The following PRELID2 variants were observed in gnomAD, a reference collection of about 807,000 sequenced individuals.
The protein encoded by PRELID2 is PRELI domain-containing protein 2.
PRELID2 carries 25 observed loss-of-function variants against 28.4 expected under a neutral mutation model. The ratio of observed to expected loss-of-function variants is 0.88; its 90% confidence interval spans 0.64 to 1.23. The LOEUF (loss-of-function observed/expected upper bound fraction) is 1.23, where lower values mean the gene tolerates loss of function less well. PRELID2 is among the 50% of genes most tolerant of loss of function. The probability of loss-of-function intolerance (pLI) is 0.00; values close to 1 mark genes in which losing one functional copy is unlikely to be tolerated. For synonymous variants in PRELID2, 76 were observed against 71.6 expected (o/e 1.06, Z -0.31); for missense variants, 201 against 214.4 (o/e 0.94, Z 0.39).
At chr5:145,527,861 T>C (rs1475397275) in intron 1 of PRELID2, among the ~76,000 whole-genome samples, 1 of 152,126 alleles carries the variant, frequency 6.6e-6, no homozygotes, top group African/African-American at 2.4e-5. Flanking sequence ...TAGAACAAAA[T>C]AAGCACCCCG....
the PRELID2 span, among the ~76,000 whole-genome samples, chr5:145,269,874 A>ATG: frequency 1.4e-5 from 2 of 144,226 alleles, no homozygotes; most frequent in African/African-American, 2.7e-5. Flanking sequence ...ATACATATAT[A>ATG]TGTATATATA....
At chr5:145,613,138 C>A (rs899525773) in intron 1 of PRELID2, among the ~76,000 whole-genome samples, 2 of 152,146 alleles carry the variant, frequency 1.3e-5, no homozygotes, top group South Asian at 2.1e-4. Flanking sequence ...TACATGCCAG[C>A]ATCTACTGGT....
At position 145,717,953 on chromosome 5, in the gene PRELID2, T is replaced by C. The variant is rs550689796; in HGVS notation, n.70+46978A>G. Among the ~76,000 whole-genome samples the C allele has an allele frequency of 6.6e-5, 10 of 152,040 alleles. No individual in the cohort carries two copies. In the South Asian group the frequency reaches 2.1e-3, roughly 32 times the overall value. ...TCTGGATTCATAATGGGTTTTGACA[T>C]TATACTACATTAAAAATATATATAG... On this transcript the variant is annotated intron_variant and non_coding_transcript_variant, in intron 1 of 2. Coordinates refer to the PRELID2 transcript ENST00000510259.
chr5:145,681,950 C>T (rs1754944615), intron 1 of PRELID2, among the ~76,000 whole-genome samples: 1 of 152,086 alleles, frequency 6.6e-6, no homozygotes, highest in Non-Finnish European at 1.5e-5. Context: ...TCACCATGTC[C>T]CAGAAAGATG....
At chr5:145,675,634 C>T (rs1430365621) in intron 1 of PRELID2, among the ~76,000 whole-genome samples, 1 of 151,816 alleles carries the variant, frequency 6.6e-6, no homozygotes, top group African/African-American at 2.4e-5. Context: ...CAATAGAGAA[C>T]TGGTTTAGTG....
intron 1 of PRELID2, among the ~76,000 whole-genome samples, chr5:145,682,628 C>T (rs890976652): frequency 5.3e-5 from 8 of 152,080 alleles, no homozygotes; most frequent in African/African-American, 9.7e-5. Flanking sequence ...AAAACAAGTC[C>T]GAGAATGCCA....
chr5:145,716,756 T>A (rs1257145595), intron 1 of PRELID2, among the ~76,000 whole-genome samples: 1 of 152,222 alleles, frequency 6.6e-6, no homozygotes, highest in Admixed American at 6.5e-5. Context: ...GTAATATTAA[T>A]AACAGCTAGC....
chr5:145,720,553 A>G (rs1755960710), intron 1 of PRELID2, among the ~76,000 whole-genome samples: 1 of 152,068 alleles, frequency 6.6e-6, no homozygotes, highest in Non-Finnish European at 1.5e-5. Flanking sequence ...AATAAAAACT[A>G]GTTTTACATA....
At chr5:145,590,937 A>G (rs1228912208) in intron 1 of PRELID2, among the ~76,000 whole-genome samples, 1 of 152,168 alleles carries the variant, frequency 6.6e-6, no homozygotes, top group African/African-American at 2.4e-5. Context: ...CTGATGCCCA[A>G]ACTCAAGGAA....
chr5:145,249,552 A>G, the PRELID2 span, among the ~76,000 whole-genome samples: 6 of 152,056 alleles, frequency 3.9e-5, no homozygotes, highest in Admixed American at 6.6e-5. Context: ...AAATAGAATT[A>G]TATTTTTTCT....
chr5:145,618,844 G>A (rs907930710), intron 1 of PRELID2, among the ~76,000 whole-genome samples: 2 of 152,140 alleles, frequency 1.3e-5, no homozygotes, highest in African/African-American at 4.8e-5. Context: ...CCCTCCTTGG[G>A]TGGGTCTTGC....
At chr5:145,669,482 C>T (rs1041632821) in intron 1 of PRELID2, among the ~76,000 whole-genome samples, 2 of 152,130 alleles carry the variant, frequency 1.3e-5, no homozygotes, top group Non-Finnish European at 2.9e-5. Context: ...GCAATCAGTG[C>T]TTCTAGACAT....
the PRELID2 span, among the ~76,000 whole-genome samples, chr5:145,286,934 T>G: frequency 1.3e-5 from 2 of 152,108 alleles, no homozygotes; most frequent in Admixed American, 6.5e-5. Context: ...GGTCTTGAAC[T>G]CCTGACCTCA....
downstream of PRELID2, among the ~76,000 whole-genome samples, chr5:145,756,006 C>T (rs1020616506): frequency 6.6e-6 from 1 of 152,192 alleles, no homozygotes; most frequent in Admixed American, 6.6e-5. Context: ...CACAGGCCAA[C>T]AAGAAGCTAC....
the PRELID2 span, among the ~76,000 whole-genome samples, chr5:145,402,821 T>C: frequency 6.6e-6 from 1 of 152,180 alleles, no homozygotes; most frequent in Non-Finnish European, 1.5e-5. Flanking sequence ...ACTGAATCGA[T>C]GTCATATGTT....
At chr5:145,245,458 A>G in the PRELID2 span, among the ~76,000 whole-genome samples, 1 of 152,024 alleles carries the variant, frequency 6.6e-6, no homozygotes, top group African/African-American at 2.4e-5. Flanking sequence ...TCCAAAAAAC[A>G]TTACACTTGG....
chr5:145,832,886 C>T (rs568747676), intron 1 of PRELID2, among the ~76,000 whole-genome samples: 2 of 152,264 alleles, frequency 1.3e-5, no homozygotes, highest in East Asian at 3.9e-4. Context: ...GAAAGCCTTT[C>T]CTAAAGATCA....
the PRELID2 span, among the ~76,000 whole-genome samples, chr5:145,348,139 C>T: frequency 2.0e-5 from 3 of 152,172 alleles, no homozygotes; most frequent in Admixed American, 1.3e-4. Context: ...AGAAAAGTTA[C>T]GTGGCAACAA....
chr5:145,546,211 T>C (rs1752786635), intron 1 of PRELID2, among the ~76,000 whole-genome samples: 1 of 147,436 alleles, frequency 6.8e-6, no homozygotes, highest in Non-Finnish European at 1.5e-5. Flanking sequence ...GTCAAGCGAA[T>C]AACATAGGAG....
Sources: allele counts gnomAD v4.1 joint callset (sites outside exome capture counted in the v4.1 genomes callset), GRCh38; gene constraint gnomAD v4.1.1; transcripts MANE v1.5; gene names NCBI Gene and HGNC (gene_info 2026-07-23, HGNC 2026-07-21).